The following TUBGCP2 variants were observed in gnomAD, a reference collection of about 807,000 sequenced individuals.
The protein encoded by TUBGCP2 is gamma-tubulin complex component 2.
Under a neutral mutation model 92.2 loss-of-function variants are expected in TUBGCP2, and 55 were observed. The observed-to-expected ratio is 0.60, with a 90% CI of 0.48 to 0.75. TUBGCP2 has a LOEUF of 0.75. TUBGCP2 is among the 30% of genes least tolerant of loss of function. The pLI is 0.00. For synonymous variants in TUBGCP2, 533 were observed against 505.2 expected, an observed-to-expected ratio of 1.06 and a Z score of -0.74; for missense variants, 1,093 against 1,188.9, an observed-to-expected ratio of 0.92 and a Z score of 1.19.
rs1288285276 is a variant in TUBGCP2, at chr10:133,283,903, G to T, written c.2124C>A (p.Ile708=). 6.2e-7 allele frequency: 1 copy of T among 1,614,120 alleles called. No individual in the cohort carries two copies. Among genetic ancestry groups the T allele is most frequent in the East Asian group, 2.2e-5 (1 of 44,884 alleles). Residue 708 remains isoleucine (I), a synonymous_variant, in exon 14 of 18, where the codon ATC becomes ATA. Coordinates refer to ENST00000252936, the MANE Select transcript of TUBGCP2 (RefSeq NM_006659.4). ...TCACGGATTTCAGGTTTTTCTCCAG[G>T]ATGTGCCAGGTCGGTTCCATCACTT... ...MFEVMEPTWH[I]LEKNLKSASN...
At chr10:133,293,306 G>C (rs1847409099) in intron 6 of TUBGCP2, 68 bp from the exon 7 acceptor site, 2 of 1,550,532 alleles carry the variant, frequency 1.3e-6, no homozygotes, top group Non-Finnish European at 1.8e-6. Flanking sequence ...CCGATATTCT[G>C]AGTCTCATCC....
At chr10:133,289,234 C>G (rs1284455548) in intron 9 of TUBGCP2, among the ~76,000 whole-genome samples, 2 of 152,246 alleles carry the variant, frequency 1.3e-5, no homozygotes, top group African/African-American at 4.8e-5. Flanking sequence ...CCCGGTAAAT[C>G]ACTGTCAGCG....
At chr10:133,290,232 C>T (rs563658392) in intron 8 of TUBGCP2, 31 of 418,464 alleles carry the variant, frequency 7.4e-5, no homozygotes, top group Middle Eastern at 7.2e-4. Context: ...CAGTGGCTCA[C>T]GCCTGTAACC....
upstream of TUBGCP2, chr10:133,310,056 C>T: frequency 6.2e-7 from 1 of 1,609,112 alleles, no homozygotes; most frequent in Non-Finnish European, 8.5e-7. Flanking sequence ...CTCTCGGGTG[C>T]TCGGGCAAGG....
rs115329816 is a variant in TUBGCP2, at chr10:133,285,064, G to A, written c.2024+21C>T. On this transcript the variant is annotated intron_variant, in intron 13 of 17. Transcript: ENST00000252936. This position sits in a 1 kb window ranked among gnomAD's most constrained non-coding sequence, Gnocchi z 6.8. ...CGAGCGCTGCTTCAGGAGGGCATGC[G>A]GGGGCAGAGGAAGAACGCACCACTG... is the stretch of plus-strand genomic sequence containing the variant. 811 of 1,586,570 alleles carry A rather than the reference G, an allele frequency of 5.1e-4. 3 individuals carry two copies. The African/African-American group carries it at 9.2e-3, about 18-fold the overall frequency.
upstream of TUBGCP2, chr10:133,311,906 T>G: frequency 6.2e-7 from 1 of 1,613,178 alleles, no homozygotes; most frequent in Non-Finnish European, 8.5e-7. Flanking sequence ...GATTCTGGGC[T>G]GCACCTGGGC....
chr10:133,286,518 A>G (rs1257521332), intron 11 of TUBGCP2, among the ~76,000 whole-genome samples: 2 of 152,220 alleles, frequency 1.3e-5, no homozygotes, highest in East Asian at 3.8e-4. Context: ...GTGAGGAAAG[A>G]CACGGCCTCA....
chr10:133,297,626 G>T (rs1847520836), intron 5 of TUBGCP2, among the ~76,000 whole-genome samples: 4 of 152,258 alleles, frequency 2.6e-5, no homozygotes, highest in Admixed American at 2.6e-4. Flanking sequence ...GATGCCTGCA[G>T]GTCTGCACCA....
intron 9 of TUBGCP2, among the ~76,000 whole-genome samples, chr10:133,289,323 T>C (rs1023276764): frequency 6.6e-6 from 1 of 152,170 alleles, no homozygotes; most frequent in Non-Finnish European, 1.5e-5. Flanking sequence ...GGCACAGAAA[T>C]AATTTCGAAC....
At chr10:133,312,205 G>A (rs1274174609), upstream of TUBGCP2, 3 of 1,401,544 alleles carry the variant, frequency 2.1e-6, no homozygotes, top group Non-Finnish European at 2.8e-6. Context: ...TGTGCCGTCT[G>A]CGTTTCTAGC....
intron 1 of TUBGCP2, among the ~76,000 whole-genome samples, chr10:133,306,134 A>G (rs1847813102): frequency 6.6e-6 from 1 of 152,248 alleles, no homozygotes; most frequent in Non-Finnish European, 1.5e-5. Context: ...TTATCTGGGA[A>G]ATGGTTAGGT....
In TUBGCP2 at chr10:133,287,469, C is replaced by T. The variant is rs201634275; in HGVS notation, c.1722+660G>A. 3.9e-4 allele frequency among the ~76,000 whole-genome samples: 59 copies of T among 152,212 alleles called. No homozygotes were observed. The East Asian group carries it at 5.0e-3, about 13-fold the overall frequency. On this transcript the variant is annotated intron_variant, in intron 11 of 17. Transcript: ENST00000252936. The stretch of plus-strand genomic sequence containing the variant: ...ATATATTTTAAAAAACGGCTGGGCA[C>T]GGTGGCTCATGCCTGTAATCCCAGC...
At chr10:133,303,333 G>A (rs4528235) in intron 1 of TUBGCP2, among the ~76,000 whole-genome samples, 1 of 152,172 alleles carries the variant, frequency 6.6e-6, no homozygotes, top group Non-Finnish European at 1.5e-5. Context: ...GGTCCTCTGG[G>A]TGGGCCTGGG....
chr10:133,305,993 G>A (rs561031095), intron 1 of TUBGCP2, among the ~76,000 whole-genome samples: 1 of 152,366 alleles, frequency 6.6e-6, no homozygotes, highest in African/African-American at 2.4e-5. Context: ...GCGTAGAGCT[G>A]TGGTAGAGAG....
upstream of TUBGCP2, chr10:133,309,233 G>C (rs1275398919): frequency 1.5e-5 from 15 of 972,428 alleles, no homozygotes; most frequent in African/African-American, 3.2e-4. Flanking sequence ...GGGACCTGAG[G>C]TGGTGGGGCG....
upstream of TUBGCP2, chr10:133,312,054 A>G: frequency 2.0e-6 from 3 of 1,483,444 alleles, no homozygotes; most frequent in Middle Eastern, 1.9e-4. Context: ...GAGCCATTGA[A>G]GCGCAGGAAT....
chr10:133,281,631 G>T, intron 16 of TUBGCP2, 195 bp from the exon 17 acceptor site: 1 of 718,582 alleles, frequency 1.4e-6, no homozygotes, highest in Non-Finnish European at 2.2e-6. Context: ...AGCACTCAGA[G>T]AAACACTCCA....
In TUBGCP2 at chr10:133,283,195, G is replaced by T; in HGVS notation, c.2172C>A (p.Gly724=). Residue 724 remains glycine, a synonymous_variant, in exon 15 of 18, where the codon GGC becomes GGA. Coordinates refer to ENST00000252936, the MANE Select transcript of TUBGCP2 (RefSeq NM_006659.4). ...KSASNIDDVL[G]HHTGFLDTCL... ...AGGTGTCCAGGAAGCCTGTGTGGTGGCCAAGGACGTCGTCAATGTTGGAGG... is the reference window on the plus strand; with the variant it reads ...AGGTGTCCAGGAAGCCTGTGTGGTGTCCAAGGACGTCGTCAATGTTGGAGG... The T allele has an allele frequency of 1.2e-6, 2 of 1,614,222 alleles. No individual in the cohort carries two copies. The highest frequency in any genetic ancestry group is 3.3e-5 in the Admixed American group (2 of 60,028).
intron 11 of TUBGCP2, among the ~76,000 whole-genome samples, chr10:133,287,602 C>T (rs1008384111): frequency 3.4e-5 from 5 of 146,914 alleles, no homozygotes; most frequent in Non-Finnish European, 6.0e-5. Context: ...ATTAGCTGGG[C>T]GTGGTGGCGC....
Sources: gnomAD v4.1 joint callset for allele counts (sites outside exome capture counted in the v4.1 genomes callset) on GRCh38, gnomAD v4.1.1 for gene constraint, Gnocchi (gnomAD v3.1) non-coding constraint, MANE v1.5 for transcripts, NCBI Gene and HGNC (gene_info 2026-07-23, HGNC 2026-07-21) for gene names.